Variants in TPH2 observed in about 807,000 individuals in gnomAD.
The protein encoded by TPH2 is tryptophan 5-hydroxylase 2.
TPH2 carries 27 observed loss-of-function variants against 59.1 expected under a neutral mutation model. The observed-to-expected ratio is 0.46, with a 90% confidence interval of 0.34 to 0.63. The LOEUF is 0.63. TPH2 is among the 30% of genes least tolerant of loss of function. The pLI, the probability that TPH2 is intolerant of heterozygous loss-of-function variation, is 0.01. For synonymous variants in TPH2, 220 were observed against 210.5 expected (o/e 1.05, Z -0.39); for missense variants, 523 against 588.3 (o/e 0.89, Z 1.15).
rs147723226 is a variant in TPH2, at chr12:71,951,702, ATGTG to A, written c.608+2067_608+2070del. ...ATGTTTTATGTATGTGTGTGTGTGC[ATGTG>A]TGTGTGTGTGTGTGTGTGTATAAAA... On this transcript the variant is annotated intron_variant, in intron 5 of 10. Coordinates refer to ENST00000333850, the MANE Select transcript of TPH2 (RefSeq NM_173353.4). Among the ~76,000 whole-genome samples, 1,187 of 149,034 alleles carry A rather than the reference ATGTG, an allele frequency of 8.0e-3. 9 individuals are homozygous for A. Among genetic ancestry groups the A allele is most frequent in the Non-Finnish European group, 0.013 (901 of 67,048 alleles).
chr12:71,953,646 A>G (rs1049917199), intron 5 of TPH2, among the ~76,000 whole-genome samples: 2 of 152,206 alleles, frequency 1.3e-5, no homozygotes, highest in South Asian at 4.1e-4. Context: ...TTAAGTGTGC[A>G]ACAACCTGAT....
chr12:72,012,507 G>A (rs977466831), intron 8 of TPH2, among the ~76,000 whole-genome samples: 12 of 152,234 alleles, frequency 7.9e-5, no homozygotes, highest in African/African-American at 2.4e-4. Flanking sequence ...GAAGACGGTG[G>A]AGCAATGAAG....
Position 71,939,051 on chromosome 12 carries a change from C to T in TPH2, c.65C>T (p.Ser22Leu), listed in dbSNP as rs374275719. Residue 22 changes from serine (S) to leucine (L), a missense_variant, in exon 1 of 11, where the codon TCA (serine) becomes TTA (leucine). Physicochemically the swap from Ser to Leu is moderately radical, Grantham distance 145. Transcript: ENST00000333850. ...GCACGGAGAGGGTTTTCCCTGGATT[C>T]AGCAGTGCCCGAAGAGCATCAGCTA... ...YWARRGFSLDSAVPEEHQLLG... is the reference protein window; with the variant it reads ...YWARRGFSLDLAVPEEHQLLG... 1.7e-5 allele frequency: 28 copies of T among 1,614,168 alleles called. No homozygotes were observed. Among genetic ancestry groups the T allele is most frequent in the Non-Finnish European group, 2.4e-5 (28 of 1,180,036 alleles).
At chr12:72,013,123 CT>C (rs1873144833) in intron 8 of TPH2, among the ~76,000 whole-genome samples, 1 of 152,084 alleles carries the variant, frequency 6.6e-6, no homozygotes, top group Non-Finnish European at 1.5e-5. Flanking sequence ...ACGGATGTCC[CT>C]CTTATATTTG....
chr12:72,013,748 A>C (rs1401492014), intron 8 of TPH2, among the ~76,000 whole-genome samples: 1 of 152,206 alleles, frequency 6.6e-6, no homozygotes, highest in Non-Finnish European at 1.5e-5. Context: ...TGTCATCTCA[A>C]CTAGAGCTTA....
At chr12:71,961,905 A>G (rs1450715969) in intron 5 of TPH2, 3 of 1,077,770 alleles carry the variant, frequency 2.8e-6, no homozygotes, top group African/African-American at 1.7e-5. Context: ...GGCAGCACCA[A>G]TATTAACAAC....
intron 8 of TPH2, among the ~76,000 whole-genome samples, chr12:72,013,037 A>T (rs1873141549): frequency 6.6e-6 from 1 of 152,202 alleles, no homozygotes; most frequent in African/African-American, 2.4e-5. Context: ...AGACTAAAAC[A>T]GTGCTGCTGA....
intron 5 of TPH2, among the ~76,000 whole-genome samples, chr12:71,963,023 C>A (rs1871731061): frequency 1.9e-5 from 1 of 53,586 alleles, no homozygotes; most frequent in African/African-American, 5.2e-5. Flanking sequence ...CTGGCCTGAA[C>A]ACCTCTGCAT....
At chr12:71,998,932 ACT>A (rs1423588794) in intron 8 of TPH2, among the ~76,000 whole-genome samples, 1 of 152,024 alleles carries the variant, frequency 6.6e-6, no homozygotes, top group African/African-American at 2.4e-5. Flanking sequence ...ATTATTAATG[ACT>A]CTTTTTCTAT....
chr12:72,000,782 T>C (rs1872804036), intron 8 of TPH2, among the ~76,000 whole-genome samples: 1 of 152,208 alleles, frequency 6.6e-6, no homozygotes, highest in South Asian at 2.1e-4. Flanking sequence ...ATGAGAGCCA[T>C]GTCATTGCTT....
chr12:71,962,132 G>A (rs1871703125), intron 5 of TPH2: 1 of 989,962 alleles, frequency 1.0e-6, no homozygotes, highest in Non-Finnish European at 1.2e-6. Context: ...CAGTCGTGGG[G>A]CTCCTAACCT....
intron 8 of TPH2, among the ~76,000 whole-genome samples, chr12:72,004,370 C>T (rs1447635198): frequency 6.7e-6 from 1 of 150,348 alleles, no homozygotes; most frequent in Admixed American, 6.8e-5. Flanking sequence ...ATGACATTAT[C>T]TATGTCATAC....
intron 5 of TPH2, among the ~76,000 whole-genome samples, chr12:71,969,143 C>T (rs1472158407): frequency 1.3e-5 from 2 of 151,984 alleles, no homozygotes; most frequent in Non-Finnish European, 2.9e-5. Context: ...ATTAGCCGGG[C>T]GTGGTGGCGG....
At chr12:72,010,657 G>C (rs114759364) in intron 8 of TPH2, among the ~76,000 whole-genome samples, 2,056 of 152,260 alleles carry the variant, frequency 0.014, 48 homozygotes, top group African/African-American at 0.047. Flanking sequence ...GAAAGTGCAA[G>C]CTCCTTAGAC....
At chr12:72,021,391 GTGTGTA>G (rs1276361424) in intron 8 of TPH2, among the ~76,000 whole-genome samples, 144 of 148,060 alleles carry the variant, frequency 9.7e-4, no homozygotes, top group African/African-American at 3.1e-3. Flanking sequence ...GTGTGTGTGT[GTGTGTA>G]TGTGTGTATA....
At chr12:71,984,613 G>A (rs1161240500) in intron 7 of TPH2, among the ~76,000 whole-genome samples, 2 of 152,172 alleles carry the variant, frequency 1.3e-5, no homozygotes, top group Admixed American at 1.3e-4. Flanking sequence ...GCATGCCCAC[G>A]AGCTGTGTTT....
At chr12:72,029,788 T>C in intron 9 of TPH2, among the ~76,000 whole-genome samples, 1 of 152,180 alleles carries the variant, frequency 6.6e-6, no homozygotes, top group East Asian at 1.9e-4. Context: ...GTGCCCTTTC[T>C]CTTACATGTC....
chr12:72,002,327 G>A (rs1872844910), intron 8 of TPH2, among the ~76,000 whole-genome samples: 1 of 152,062 alleles, frequency 6.6e-6, no homozygotes, highest in Non-Finnish European at 1.5e-5. Flanking sequence ...TGAGGGAGGG[G>A]GAGAGAGACA....
chr12:71,939,986 A>G (rs1592855957), intron 1 of TPH2, among the ~76,000 whole-genome samples: 1 of 152,346 alleles, frequency 6.6e-6, no homozygotes, highest in East Asian at 1.9e-4. Context: ...CTGACATATT[A>G]TTACTGATAA....
Sources: gnomAD v4.1 joint callset for allele counts (sites outside exome capture counted in the v4.1 genomes callset) on GRCh38, gnomAD v4.1.1 for gene constraint, MANE v1.5 for transcripts, NCBI Gene and HGNC (gene_info 2026-07-23, HGNC 2026-07-21) for gene names.